The following ATP1B3 variants were observed in gnomAD, a reference collection of about 807,000 sequenced individuals.
The protein encoded by ATP1B3 is sodium/potassium-transporting ATPase subunit beta-3.
In ATP1B3, 10 loss-of-function variants were observed where a neutral mutation model predicts 30.2. The ratio of observed to expected loss-of-function variants is 0.33; its 90% CI spans 0.20 to 0.56. The LOEUF (loss-of-function observed/expected upper bound fraction) is 0.56, where lower values mean the gene tolerates loss of function less well. ATP1B3 is among the 20% of genes least tolerant of loss of function. The probability of loss-of-function intolerance (pLI) is 0.90; values close to 1 mark genes in which losing one functional copy is unlikely to be tolerated. For missense variants in ATP1B3, 238 were observed against 336.7 expected, an observed-to-expected ratio of 0.71 and a Z score of 2.29; for synonymous variants, 113 against 117.0, an observed-to-expected ratio of 0.97 and a Z score of 0.22.
chr3:141,887,438 C>A (rs1052960655), intron 1 of ATP1B3, among the ~76,000 whole-genome samples: 1 of 152,130 alleles, frequency 6.6e-6, no homozygotes, highest in Non-Finnish European at 1.5e-5. Flanking sequence ...CCTGGGTAAC[C>A]CCCGTTAAGT....
chr3:141,878,698 T>G (rs908600959), intron 1 of ATP1B3, among the ~76,000 whole-genome samples: 2 of 152,204 alleles, frequency 1.3e-5, no homozygotes, highest in Admixed American at 6.5e-5. Context: ...CTAGTACAAG[T>G]GAAGTTGGGA....
chr3:141,882,282 A>C (rs1933742518), intron 1 of ATP1B3, among the ~76,000 whole-genome samples: 1 of 152,224 alleles, frequency 6.6e-6, no homozygotes, highest in Non-Finnish European at 1.5e-5. Flanking sequence ...GTTGGTTTTG[A>C]AGAAAAGTCA....
Position 141,876,713 on chromosome 3 carries a change from C to T in ATP1B3, c.-89C>T, listed in dbSNP as rs1369376583. On this transcript the variant is annotated 5_prime_UTR_variant, in exon 1 of 7. Coordinates refer to ENST00000286371, the MANE Select transcript of ATP1B3 (RefSeq NM_001679.4). ...CCCACCCTTCACTGCCGTCTCCGGG[C>T]TGCGCCGCCGGAGCCGGGACGCGCC... 2 of 981,294 alleles carry T rather than the reference C, an allele frequency of 2.0e-6. No homozygotes were observed. The highest frequency in any genetic ancestry group is 1.7e-5 in the African/African-American group (1 of 58,782). The allele number at this position is 981,294 out of a possible 1,614,324, so 60.8% of individuals were successfully genotyped here. A position where few individuals can be genotyped will look rare whatever the true frequency, so the allele number is the denominator to read the frequency against.
intron 1 of ATP1B3, 66 bp downstream of exon 1, chr3:141,876,976 T>A: frequency 7.7e-7 from 1 of 1,301,076 alleles, no homozygotes; most frequent in Non-Finnish European, 1.0e-6. Flanking sequence ...CGCGGTCTGG[T>A]GGGAACGGAA....
At chr3:141,912,001 A>G (rs1326109003) in intron 3 of ATP1B3, among the ~76,000 whole-genome samples, 3 of 152,222 alleles carry the variant, frequency 2.0e-5, no homozygotes, top group African/African-American at 4.8e-5. Context: ...AACAGAGTCT[A>G]TGCAGTAGAA....
intron 2 of ATP1B3, among the ~76,000 whole-genome samples, chr3:141,904,508 GGTTA>G (rs1207251139): frequency 6.6e-6 from 1 of 151,702 alleles, no homozygotes; most frequent in Non-Finnish European, 1.5e-5. Flanking sequence ...CGTTCTAAAT[GGTTA>G]GTTATGAAAT....
chr3:141,918,014 C>T (rs1220510803), intron 5 of ATP1B3, among the ~76,000 whole-genome samples: 15 of 151,758 alleles, frequency 9.9e-5, no homozygotes, highest in Admixed American at 6.6e-4. Context: ...GTGATCCGCC[C>T]GCCTCAGCCT....
chr3:141,882,872 C>CA (rs1933755568), intron 1 of ATP1B3, among the ~76,000 whole-genome samples: 2 of 152,316 alleles, frequency 1.3e-5, no homozygotes, highest in Non-Finnish European at 1.5e-5. Flanking sequence ...AGGCGTGAGC[C>CA]ACCGCGCCCG....
chr3:141,893,931 C>G (rs1466220920), intron 1 of ATP1B3, among the ~76,000 whole-genome samples: 1 of 152,158 alleles, frequency 6.6e-6, no homozygotes, highest in Non-Finnish European at 1.5e-5. Flanking sequence ...AGTGGACTTA[C>G]ACAAATCTAG....
At chr3:141,896,032 G>A (rs914156436) in intron 1 of ATP1B3, among the ~76,000 whole-genome samples, 4 of 151,996 alleles carry the variant, frequency 2.6e-5, no homozygotes, top group East Asian at 1.9e-4. Flanking sequence ...GTGAAGTTTC[G>A]GTTCAGATCT....
chr3:141,921,069 ATTTT>A (rs993121929), intron 5 of ATP1B3, among the ~76,000 whole-genome samples: 1 of 152,032 alleles, frequency 6.6e-6, no homozygotes, highest in African/African-American at 2.4e-5. Context: ...TCTCAAAAAA[ATTTT>A]TTTATATATA....
At chr3:141,919,886 C>T (rs1043715178) in intron 5 of ATP1B3, among the ~76,000 whole-genome samples, 2 of 152,066 alleles carry the variant, frequency 1.3e-5, no homozygotes, top group African/African-American at 4.8e-5. Flanking sequence ...TTGTAGTGAG[C>T]CATGATCGCG....
intron 5 of ATP1B3, 36 bp downstream of exon 5, chr3:141,916,056 G>T: frequency 1.3e-6 from 2 of 1,545,572 alleles, no homozygotes; most frequent in South Asian, 2.4e-5. Flanking sequence ...TTAAATCTTT[G>T]ATGTTTCTTA....
chr3:141,894,208 C>T (rs183556143), intron 1 of ATP1B3, among the ~76,000 whole-genome samples: 1 of 152,270 alleles, frequency 6.6e-6, no homozygotes, highest in East Asian at 1.9e-4. Flanking sequence ...ATGTGAAGGC[C>T]TAGAACATTA....
intron 5 of ATP1B3, chr3:141,918,353 A>G (rs1934505867): frequency 6.6e-6 from 1 of 152,312 alleles, no homozygotes; most frequent in Admixed American, 6.5e-5. Flanking sequence ...TACAAAGCCA[A>G]TACCACCTGA....
chr3:141,910,090 G>A (rs1222371337), intron 3 of ATP1B3, among the ~76,000 whole-genome samples: 1 of 152,126 alleles, frequency 6.6e-6, no homozygotes, highest in East Asian at 1.9e-4. Context: ...TCCTGCCTCA[G>A]CCTCTTGAGT....
chr3:141,881,177 T>G (rs1410873605), intron 1 of ATP1B3, among the ~76,000 whole-genome samples: 1 of 144,056 alleles, frequency 6.9e-6, no homozygotes, highest in Non-Finnish European at 1.5e-5. Flanking sequence ...CACTCCAGCC[T>G]GAGCGACAAG....
intron 3 of ATP1B3, among the ~76,000 whole-genome samples, chr3:141,909,813 A>G (rs1411605476): frequency 6.6e-6 from 1 of 152,180 alleles, no homozygotes; most frequent in Non-Finnish European, 1.5e-5. Context: ...TCAAATTTTT[A>G]AAGGATCCTG....
intron 1 of ATP1B3, among the ~76,000 whole-genome samples, chr3:141,892,970 GT>G (rs1933987019): frequency 6.6e-6 from 1 of 152,156 alleles, no homozygotes; most frequent in Non-Finnish European, 1.5e-5. Flanking sequence ...TTACCAGTAA[GT>G]CTTAGCAGAT....
Sources: gnomAD v4.1 joint callset for allele counts (sites outside exome capture counted in the v4.1 genomes callset) on GRCh38, gnomAD v4.1.1 for gene constraint, MANE v1.5 for transcripts, NCBI Gene and HGNC (gene_info 2026-07-23, HGNC 2026-07-21) for gene names.